Variants in LDLRAD3 observed in about 807,000 individuals in gnomAD.
LDLRAD3 encodes the protein low-density lipoprotein receptor class A domain-containing protein 3.
A neutral mutation model predicts 29.4 loss-of-function variants in LDLRAD3; 20 were observed. The observed-to-expected ratio is 0.68, with a 90% CI of 0.48 to 0.99. The LOEUF (loss-of-function observed/expected upper bound fraction) is 0.99. Ranked by LOEUF, LDLRAD3 falls within the 50% of genes least tolerant of loss-of-function variation. LDLRAD3 has a pLI of 0.00. For synonymous variants in LDLRAD3, 157 were observed against 192.7 expected (o/e 0.81, Z 1.53); for missense variants, 420 against 454.3 (o/e 0.92, Z 0.69).
chr11:36,190,070 A>AGGGGGGAG lies in LDLRAD3; in HGVS notation c.455-37011_455-37004dup, dbSNP rs1854918354. ...ACAGAACACTCACACATCTAGGGGGAGGGGGGAGGGGAGGAGGAGGAGAAA... is the reference window on the plus strand; with the variant it reads ...ACAGAACACTCACACATCTAGGGGGAGGGGGGAGGGGGGGAGGGGAGGAGGAGGAGAAA... On this transcript the variant is annotated intron_variant, in intron 4 of 5. Transcript: ENST00000315571. Among the ~76,000 whole-genome samples the AGGGGGGAG allele has an allele frequency of 7.4e-5, 6 of 81,084 alleles. No homozygotes were observed. In the South Asian group the frequency reaches 2.2e-3, roughly 30 times the overall value. The allele number at this position is 81,084 out of a possible 152,430, so 53.2% of individuals were successfully genotyped here.
intron 4 of LDLRAD3, among the ~76,000 whole-genome samples, chr11:36,221,581 G>A (rs1345437610): frequency 6.6e-6 from 1 of 152,080 alleles, no homozygotes; most frequent in Non-Finnish European, 1.5e-5. Context: ...TGGCAGGATC[G>A]CTTGAGCCTA....
intron 4 of LDLRAD3, among the ~76,000 whole-genome samples, chr11:36,173,058 G>A (rs1854619939): frequency 6.6e-6 from 1 of 152,030 alleles, no homozygotes; most frequent in African/African-American, 2.4e-5. Context: ...ATCTAGGAGG[G>A]TTGTATATTT....
intron 1 of LDLRAD3, among the ~76,000 whole-genome samples, chr11:36,016,071 G>A (rs992202730): frequency 1.3e-5 from 2 of 152,214 alleles, no homozygotes; most frequent in Admixed American, 6.5e-5. Context: ...GACGAATGAC[G>A]TTTACATCCC....
At chr11:36,021,686 G>C (rs1852097710) in intron 1 of LDLRAD3, among the ~76,000 whole-genome samples, 1 of 152,182 alleles carries the variant, frequency 6.6e-6, no homozygotes, top group South Asian at 2.1e-4. Context: ...CTGTCTCCCA[G>C]GCTGGAGTGC....
At chr11:36,169,801 A>G (rs1854568557) in intron 4 of LDLRAD3, among the ~76,000 whole-genome samples, 1 of 152,172 alleles carries the variant, frequency 6.6e-6, no homozygotes, top group East Asian at 1.9e-4. Flanking sequence ...CTTTCCTTTG[A>G]ATATATCCTC....
intron 1 of LDLRAD3, among the ~76,000 whole-genome samples, chr11:35,973,650 T>C (rs1031034805): frequency 1.3e-4 from 20 of 151,300 alleles, no homozygotes; most frequent in African/African-American, 4.7e-4. Flanking sequence ...TTTTTTTTTT[T>C]AGTAGAAGTG....
chr11:35,974,839 G>A (rs1233135825), intron 1 of LDLRAD3, among the ~76,000 whole-genome samples: 1 of 152,222 alleles, frequency 6.6e-6, no homozygotes, highest in African/African-American at 2.4e-5. Flanking sequence ...ATCACACAAG[G>A]GCATGATGCC....
chr11:36,010,898 G>A (rs976606599), intron 1 of LDLRAD3, among the ~76,000 whole-genome samples: 1 of 152,048 alleles, frequency 6.6e-6, no homozygotes, highest in East Asian at 1.9e-4. Context: ...CTCTGCTTCC[G>A]AGATTCAAGC....
chr11:36,114,513 G>T (rs1425325667), intron 4 of LDLRAD3, among the ~76,000 whole-genome samples: 2 of 152,220 alleles, frequency 1.3e-5, no homozygotes, highest in Admixed American at 1.3e-4. Context: ...GGTGACAGTT[G>T]TTCTCTGGAT....
At chr11:35,982,509 G>A (rs750842576) in intron 1 of LDLRAD3, among the ~76,000 whole-genome samples, 2 of 152,132 alleles carry the variant, frequency 1.3e-5, no homozygotes, top group Non-Finnish European at 2.9e-5. Flanking sequence ...TTAGGACTCC[G>A]GCATACTGTT....
intron 4 of LDLRAD3, among the ~76,000 whole-genome samples, chr11:36,118,282 C>T (rs1044783711): frequency 5.9e-5 from 9 of 152,090 alleles, no homozygotes; most frequent in African/African-American, 1.9e-4. Flanking sequence ...GGTCACACAG[C>T]TAGGAAATGG....
intron 4 of LDLRAD3, among the ~76,000 whole-genome samples, chr11:36,211,892 G>T (rs1314249422): frequency 2.6e-5 from 4 of 152,114 alleles, no homozygotes; most frequent in South Asian, 4.2e-4. Context: ...AGCAGTATTC[G>T]CTCTGGCTGC....
chr11:36,102,013 C>G (rs1272409988), intron 4 of LDLRAD3: 1 of 198,694 alleles, frequency 5.0e-6, no homozygotes, highest in East Asian at 1.8e-4. Flanking sequence ...CTCAGCCTCC[C>G]GAGTAGCTGG....
chr11:36,218,757 C>T (rs1261780143), intron 4 of LDLRAD3, among the ~76,000 whole-genome samples: 1 of 152,218 alleles, frequency 6.6e-6, no homozygotes. Flanking sequence ...GGCCCCTCCC[C>T]TCATGACCCT....
chr11:36,192,552 G>A (rs980753128), intron 4 of LDLRAD3, among the ~76,000 whole-genome samples: 6 of 152,202 alleles, frequency 3.9e-5, no homozygotes, highest in East Asian at 1.9e-4. Flanking sequence ...TCACAAGGCC[G>A]CTTTGTGGGG....
intron 2 of LDLRAD3, among the ~76,000 whole-genome samples, chr11:36,050,410 G>A (rs754252641): frequency 3.3e-5 from 5 of 152,198 alleles, no homozygotes; most frequent in Non-Finnish European, 5.9e-5. Flanking sequence ...CAGGCAGCAG[G>A]GCAGGCAGTC....
At chr11:36,086,203 G>A (rs921080476) in intron 3 of LDLRAD3, among the ~76,000 whole-genome samples, 25 of 152,274 alleles carry the variant, frequency 1.6e-4, no homozygotes, top group Admixed American at 9.2e-4. Context: ...TGTAATAGCT[G>A]CTATAAAATC....
At chr11:35,952,160 GTAAC>G (rs1187391143) in intron 1 of LDLRAD3, among the ~76,000 whole-genome samples, 1 of 152,218 alleles carries the variant, frequency 6.6e-6, no homozygotes, top group East Asian at 1.9e-4. Flanking sequence ...AAAAGGTTCA[GTAAC>G]TTTCCTAAAC....
intron 4 of LDLRAD3, among the ~76,000 whole-genome samples, chr11:36,166,759 C>T (rs1218567058): frequency 1.3e-5 from 2 of 152,128 alleles, no homozygotes; most frequent in South Asian, 2.1e-4. Context: ...GTAATGTACA[C>T]ACAAATCATC....
Sources: allele counts gnomAD v4.1 joint callset (sites outside exome capture counted in the v4.1 genomes callset), GRCh38; gene constraint gnomAD v4.1.1; transcripts MANE v1.5; gene names NCBI Gene and HGNC (gene_info 2026-07-23, HGNC 2026-07-21).